The following AGAP1 variants were observed in gnomAD, a reference collection of about 807,000 sequenced individuals.
The protein encoded by AGAP1 is arf-GAP with GTPase, ANK repeat and PH domain-containing protein 1.
In AGAP1, 29 loss-of-function variants were observed where a neutral mutation model predicts 105.3. That is an observed-to-expected ratio of 0.28 (90% confidence interval 0.21 to 0.38). The LOEUF is 0.38. Among genes scored for constraint, AGAP1 ranks in the 10% least tolerant of loss-of-function variants. AGAP1 has a pLI of 1.00. For synonymous variants in AGAP1, 509 were observed against 485.9 expected (o/e 1.05, Z -0.63); for missense variants, 998 against 1,165.1 (o/e 0.86, Z 2.09).
At chr2:235,649,746 CTA>C (rs1947519906) in intron 1 of AGAP1, among the ~76,000 whole-genome samples, 1 of 152,194 alleles carries the variant, frequency 6.6e-6, no homozygotes, top group South Asian at 2.1e-4. Flanking sequence ...CTGAGGAGCA[CTA>C]CGCTGTAGGT....
Position 235,712,534 on chromosome 2 carries a change from C to T in AGAP1, c.222+3297C>T, listed in dbSNP as rs1353340149. On this transcript the variant is annotated intron_variant, in intron 2 of 17. Coordinates refer to ENST00000304032, the MANE Select transcript of AGAP1 (RefSeq NM_001037131.3). The surrounding 1 kb of genome is among the most constrained non-coding windows in gnomAD (Gnocchi z 6.0). ...ATCCTATTTGTGTGTTTTCATTGAA[C>T]TCCAACTGGAATTTTTACTAAAAGC... Among the ~76,000 whole-genome samples, 1 of 152,256 alleles carries T rather than the reference C, an allele frequency of 6.6e-6. No individual in the cohort carries two copies. Among genetic ancestry groups the T allele is most frequent in the Admixed American group, 6.5e-5 (1 of 15,292 alleles).
chr2:235,499,602 A>C lies in AGAP1; in HGVS notation c.163+4753A>C, dbSNP rs574961106. Reference sequence around the variant, plus strand: ...CTCCACAATGCGGGCGTTCCTTGTGAGTCCAGCTTACTCATGCTTCTCAGT... The same window carrying C: ...CTCCACAATGCGGGCGTTCCTTGTGCGTCCAGCTTACTCATGCTTCTCAGT... On this transcript the variant is annotated intron_variant, in intron 1 of 17. Coordinates refer to ENST00000304032, the MANE Select transcript of AGAP1 (RefSeq NM_001037131.3). 1.0e-3 allele frequency among the ~76,000 whole-genome samples: 159 copies of C among 152,240 alleles called. 2 individuals carry two copies. Among genetic ancestry groups the C allele is most frequent in the African/African-American group, 3.7e-3 (154 of 41,538 alleles).
chr2:235,584,987 GTGC>G (rs1021766174), intron 1 of AGAP1, among the ~76,000 whole-genome samples: 12 of 142,724 alleles, frequency 8.4e-5, no homozygotes, highest in Middle Eastern at 3.6e-3. Flanking sequence ...CTTAGGTACA[GTGC>G]TGCTGCTGCT....
intron 11 of AGAP1, among the ~76,000 whole-genome samples, chr2:235,920,513 G>C (rs1181435918): frequency 6.6e-6 from 1 of 152,134 alleles, no homozygotes; most frequent in Non-Finnish European, 1.5e-5. Flanking sequence ...GCATCGCTCT[G>C]ATCATCAGAC....
Position 235,999,195 on chromosome 2 carries a change from C to T in AGAP1, c.1645+30572C>T, listed in dbSNP as rs1434269637. On this transcript the variant is annotated intron_variant, in intron 13 of 17. Transcript: ENST00000304032. The stretch of plus-strand genomic sequence containing the variant: ...ATGATAATGGTGATGGTGATGATGG[C>T]AGTGTGATGACCAATATGGTATGGT... Among the ~76,000 whole-genome samples the T allele has an allele frequency of 8.8e-3, 872 of 98,960 alleles. 4 individuals are homozygous for T. Among genetic ancestry groups the T allele is most frequent in the Non-Finnish European group, 0.013 (661 of 49,432 alleles). The allele number at this position is 98,960 out of a possible 152,430, so 64.9% of individuals were successfully genotyped here.
intron 1 of AGAP1, among the ~76,000 whole-genome samples, chr2:235,508,913 G>A (rs1019986037): frequency 1.1e-4 from 17 of 152,234 alleles, no homozygotes; most frequent in Non-Finnish European, 2.9e-5. Flanking sequence ...GGCAGAGCCG[G>A]AAGTGGCAGA....
intron 13 of AGAP1, among the ~76,000 whole-genome samples, chr2:235,987,432 A>AT (rs936985373): frequency 3.5e-5 from 5 of 141,802 alleles, no homozygotes; most frequent in Non-Finnish European, 4.6e-5. Flanking sequence ...TATTTTGTTA[A>AT]TTTTTTTCAA....
rs938100857 is a variant in AGAP1 at position 236,035,691 on chromosome 2, G to A, written c.1646-870G>A. 5.3e-5 allele frequency among the ~76,000 whole-genome samples: 8 copies of A among 152,108 alleles called. No homozygotes were observed. The highest frequency in any genetic ancestry group is 1.0e-4 in the Non-Finnish European group (7 of 68,018). On this transcript the variant is annotated intron_variant, in intron 13 of 17. Transcript: ENST00000304032. The surrounding 1 kb of genome is among the most constrained non-coding windows in gnomAD (Gnocchi z 4.2). ...TGCCAGTGGTGCCTCCTCCTTTGGC[G>A]GGGACTTGGGGGCCGGGAGTAGGGA...
At chr2:235,803,595 GTTAA>G (rs1431958030) in intron 8 of AGAP1, among the ~76,000 whole-genome samples, 1 of 152,154 alleles carries the variant, frequency 6.6e-6, no homozygotes, top group East Asian at 1.9e-4. Flanking sequence ...AGAGGCCATA[GTTAA>G]TTAAGTAATG....
chr2:235,573,051 CTTCTTCTTCTTTCTTCT>C (rs1559258996), intron 1 of AGAP1, among the ~76,000 whole-genome samples: 12 of 16,082 alleles, frequency 7.5e-4, no homozygotes, highest in East Asian at 4.5e-3. Flanking sequence ...TCTTCTTCTT[CTTCTTCTTCTTTCTTCT>C]TTCTTCTTTC....
At chr2:235,870,494 C>T (rs1357023511) in intron 9 of AGAP1, among the ~76,000 whole-genome samples, 1 of 152,068 alleles carries the variant, frequency 6.6e-6, no homozygotes, top group East Asian at 1.9e-4. Context: ...GGCATGGTGG[C>T]ACATGTGTGT....
At position 235,888,991 on chromosome 2, in the gene AGAP1, A is replaced by T. The variant is rs1575703109; in HGVS notation, c.1155+5542A>T. 1.3e-5 allele frequency among the ~76,000 whole-genome samples: 2 copies of T among 152,310 alleles called. No homozygotes were observed. The highest frequency in any genetic ancestry group is 3.9e-4 in the East Asian group (2 of 5,186). ...CTTCATTAGATGCCCTTAGGAAAAGATCTCCCTGAAGAGGTCATTTCTGTT... is the reference window on the plus strand; with the variant it reads ...CTTCATTAGATGCCCTTAGGAAAAGTTCTCCCTGAAGAGGTCATTTCTGTT... On this transcript the variant is annotated intron_variant, in intron 10 of 17. Coordinates refer to ENST00000304032, the MANE Select transcript of AGAP1 (RefSeq NM_001037131.3). The surrounding 1 kb of genome is among the most constrained non-coding windows in gnomAD (Gnocchi z 4.8).
At position 235,664,907 on chromosome 2, in the gene AGAP1, C is replaced by A. The variant is rs1369539575; in HGVS notation, c.164-44272C>A. Among the ~76,000 whole-genome samples the A allele has an allele frequency of 6.6e-6, 1 of 152,094 alleles. No homozygotes were observed. Among genetic ancestry groups the A allele is most frequent in the Admixed American group, 6.6e-5 (1 of 15,258 alleles). On this transcript the variant is annotated intron_variant, in intron 1 of 17. Transcript: ENST00000304032. The surrounding 1 kb of genome is among the most constrained non-coding windows in gnomAD (Gnocchi z 5.7). ...GACCCACCTGTGCAATATAGTGAGA[C>A]CCCCATCTTTACCATAAATGAAAAA...
chr2:235,795,175 G>T (rs75070834), intron 6 of AGAP1, among the ~76,000 whole-genome samples: 2,188 of 152,226 alleles, frequency 0.014, 43 homozygotes, highest in African/African-American at 0.047. Flanking sequence ...CCCTCTAGGA[G>T]ATTACCCAGC....
chr2:235,797,622 C>A, intron 6 of AGAP1, 137 bp from the exon 7 acceptor site: 2 of 1,120,736 alleles, frequency 1.8e-6, no homozygotes, highest in Non-Finnish European at 2.6e-6. Context: ...TTGTCATTTG[C>A]CCACCTAAGA....
chr2:235,795,138 C>T (rs1057409407), intron 6 of AGAP1, among the ~76,000 whole-genome samples: 4 of 152,158 alleles, frequency 2.6e-5, no homozygotes, highest in African/African-American at 7.2e-5. Flanking sequence ...GGGGGTTCCT[C>T]CACTCACATA....
intron 1 of AGAP1, among the ~76,000 whole-genome samples, chr2:235,563,660 T>C (rs1471053906): frequency 6.6e-6 from 1 of 152,098 alleles, no homozygotes; most frequent in Non-Finnish European, 1.5e-5. Context: ...ATTTTGGCTG[T>C]CTGGGTAAGT....
At chr2:235,616,260 C>A (rs1049424632) in intron 1 of AGAP1, among the ~76,000 whole-genome samples, 1 of 151,770 alleles carries the variant, frequency 6.6e-6, no homozygotes, top group South Asian at 2.1e-4. Flanking sequence ...ACTGGGGAGG[C>A]TGAGGCAGGA....
chr2:235,667,139 T>A (rs1948152635), intron 1 of AGAP1, among the ~76,000 whole-genome samples: 1 of 152,224 alleles, frequency 6.6e-6, no homozygotes, highest in Non-Finnish European at 1.5e-5. Flanking sequence ...TCTGGGATTA[T>A]CGCGAAGCTT....
Sources: allele counts gnomAD v4.1 joint callset (sites outside exome capture counted in the v4.1 genomes callset), GRCh38; gene constraint gnomAD v4.1.1; non-coding constraint Gnocchi (gnomAD v3.1); transcripts MANE v1.5; gene names NCBI Gene and HGNC (gene_info 2026-07-23, HGNC 2026-07-21).